ERI3: variants seen among roughly 807,000 people sequenced by gnomAD.
ERI3 encodes the protein ERI1 exoribonuclease 3.
A neutral mutation model predicts 44.4 loss-of-function variants in ERI3; 18 were observed. The ratio of observed to expected loss-of-function variants is 0.41; its 90% CI spans 0.28 to 0.60. The LOEUF (loss-of-function observed/expected upper bound fraction) is 0.60, where lower values mean the gene tolerates loss of function less well. Ranked by LOEUF, ERI3 falls within the 20% of genes least tolerant of loss-of-function variation. ERI3 has a pLI of 0.36. For missense variants in ERI3, 294 were observed against 435.5 expected, an observed-to-expected ratio of 0.68 and a Z score of 2.89; for synonymous variants, 183 against 164.8, an observed-to-expected ratio of 1.11 and a Z score of -0.84.
At chr1:44,350,743 G>A (rs573307257) in intron 2 of ERI3, among the ~76,000 whole-genome samples, 17 of 152,228 alleles carry the variant, frequency 1.1e-4, no homozygotes, top group Non-Finnish European at 1.9e-4. Flanking sequence ...TAAGAAAAGC[G>A]TATTTATAGA....
intron 6 of ERI3, among the ~76,000 whole-genome samples, chr1:44,295,737 G>C (rs1038436417): frequency 3.3e-5 from 5 of 152,184 alleles, no homozygotes; most frequent in African/African-American, 1.2e-4. Context: ...ACTTTCAGGG[G>C]ACCAAACAGA....
At chr1:44,284,424 C>T (rs971123366) in intron 7 of ERI3, among the ~76,000 whole-genome samples, 2 of 152,164 alleles carry the variant, frequency 1.3e-5, no homozygotes, top group Non-Finnish European at 1.5e-5. Context: ...TATATCAGGG[C>T]CAGTTAGGAG....
At chr1:44,232,738 A>C (rs1456936417) in intron 8 of ERI3, among the ~76,000 whole-genome samples, 1 of 152,236 alleles carries the variant, frequency 6.6e-6, no homozygotes, top group East Asian at 1.9e-4. Flanking sequence ...CAAGTCCCAG[A>C]CAACACATTT....
intron 8 of ERI3, chr1:44,230,598 G>T (rs936372689): frequency 6.6e-6 from 1 of 152,312 alleles, no homozygotes; most frequent in African/African-American, 2.4e-5. Context: ...TGCCTGTGCT[G>T]CCCCGGGCAG....
Position 44,221,261 on chromosome 1 carries a change from G to C in ERI3, c.*297C>G. On this transcript the variant is annotated 3_prime_UTR_variant, in exon 9 of 9. Transcript: ENST00000372257. This position sits in a 1 kb window ranked among gnomAD's most constrained non-coding sequence, Gnocchi z 5.9. ...GCCCCACAGAAGCCTGTGTACCAGG[G>C]AGGAGGCGGTGAGTGCCTGGGTCCC... The C allele has an allele frequency of 2.3e-6, 1 of 433,898 alleles. No homozygotes were observed. The highest frequency in any genetic ancestry group is 4.4e-5 in the East Asian group (1 of 22,670). The allele number at this position is 433,898 out of a possible 1,614,324, so 26.9% of individuals were successfully genotyped here.
At chr1:44,337,556 T>C (rs1348606766) in intron 3 of ERI3, among the ~76,000 whole-genome samples, 1 of 152,166 alleles carries the variant, frequency 6.6e-6, no homozygotes, top group East Asian at 1.9e-4. Flanking sequence ...CAAGCTGCAT[T>C]CCCTTACACC....
At chr1:44,264,356 C>T (rs144957489) in intron 7 of ERI3, among the ~76,000 whole-genome samples, 1 of 152,298 alleles carries the variant, frequency 6.6e-6, no homozygotes, top group Non-Finnish European at 1.5e-5. Flanking sequence ...GTTCTGCCCC[C>T]CTCTTGGCGT....
Position 44,334,375 on chromosome 1 carries a change from A to T in ERI3, c.489+4670T>A, listed in dbSNP as rs560459238. On this transcript the variant is annotated intron_variant, in intron 3 of 8. Coordinates refer to ENST00000372257, the MANE Select transcript of ERI3 (RefSeq NM_024066.3). ...GCTCTCTGGGCCTCAGGGTCACAAC[A>T]ACCATCACTCGGTGCACATCCACAC... Among the ~76,000 whole-genome samples, 19 of 152,280 alleles carry T rather than the reference A, an allele frequency of 1.2e-4. No homozygotes were observed. The South Asian group carries it at 3.7e-3, about 30-fold the overall frequency.
At chr1:44,299,609 G>C (rs1437526568) in intron 6 of ERI3, among the ~76,000 whole-genome samples, 1 of 152,086 alleles carries the variant, frequency 6.6e-6, no homozygotes, top group Non-Finnish European at 1.5e-5. Context: ...TTCCTTCTTG[G>C]AGCTTGGGAA....
chr1:44,256,756 A>T (rs542973944), intron 7 of ERI3: 64 of 152,370 alleles, frequency 4.2e-4, no homozygotes, highest in African/African-American at 1.5e-3. Context: ...CTACCAGCTC[A>T]GTTTGATCCC....
intron 2 of ERI3, among the ~76,000 whole-genome samples, chr1:44,344,983 T>C (rs1646755882): frequency 6.6e-6 from 1 of 152,156 alleles, no homozygotes; most frequent in Non-Finnish European, 1.5e-5. Context: ...GTGCAGAGTA[T>C]TTACACAACA....
At chr1:44,340,982 C>A (rs1646641174) in intron 2 of ERI3, among the ~76,000 whole-genome samples, 1 of 152,146 alleles carries the variant, frequency 6.6e-6, no homozygotes, top group African/African-American at 2.4e-5. Flanking sequence ...CTCAAATTAC[C>A]CATTCTAGTT....
At chr1:44,325,169 C>T (rs1641703694) in intron 3 of ERI3, among the ~76,000 whole-genome samples, 1 of 151,722 alleles carries the variant, frequency 6.6e-6, no homozygotes. Flanking sequence ...CCTCCGCCTC[C>T]CGGGTTCAAG....
intron 8 of ERI3, among the ~76,000 whole-genome samples, chr1:44,226,778 A>ACACACACAC (rs1644050828): frequency 7.0e-6 from 1 of 143,374 alleles, no homozygotes; most frequent in Non-Finnish European, 1.5e-5. Flanking sequence ...AGCATTATTA[A>ACACACACAC]ACACACACAC....
chr1:44,341,799 A>G (rs971593472), intron 2 of ERI3, among the ~76,000 whole-genome samples: 21 of 152,146 alleles, frequency 1.4e-4, no homozygotes, highest in African/African-American at 4.8e-4. Flanking sequence ...CTGAAGTAGG[A>G]AGATCACTTG....
intron 8 of ERI3, among the ~76,000 whole-genome samples, chr1:44,231,354 C>T (rs1644179247): frequency 6.6e-6 from 1 of 152,094 alleles, no homozygotes; most frequent in Non-Finnish European, 1.5e-5. Flanking sequence ...ATTGTCTCTC[C>T]TGTATTCACA....
rs1050256982 is a variant in ERI3, at chr1:44,353,539, G to A, written c.136-614C>T. 2.4e-5 allele frequency: 24 copies of A among 985,272 alleles called. No homozygotes were observed. The African/African-American group carries it at 3.8e-4, about 16-fold the overall frequency. The allele number at this position is 985,272 out of a possible 1,614,324, so 61.0% of individuals were successfully genotyped here. ...TTTGCATAAAGAAACACCTAGGGTT[G>A]GAACTAATATATTCCTGTCTACCAT... is the stretch of plus-strand genomic sequence containing the variant. On this transcript the variant is annotated intron_variant, in intron 1 of 8. Transcript: ENST00000372257.
At chr1:44,256,229 C>G (rs189818872) in intron 7 of ERI3, among the ~76,000 whole-genome samples, 2 of 152,152 alleles carry the variant, frequency 1.3e-5, no homozygotes, top group Admixed American at 6.5e-5. Context: ...CCTACCCAGT[C>G]TCCTTCAGGA....
chr1:44,337,088 G>C (rs1646549803), intron 3 of ERI3, among the ~76,000 whole-genome samples: 2 of 152,218 alleles, frequency 1.3e-5, no homozygotes, highest in South Asian at 4.1e-4. Context: ...ACTGAGACAT[G>C]ATTCAGGCTT....
Sources: gnomAD v4.1 joint callset for allele counts (sites outside exome capture counted in the v4.1 genomes callset) on GRCh38, gnomAD v4.1.1 for gene constraint, Gnocchi (gnomAD v3.1) non-coding constraint, MANE v1.5 for transcripts, NCBI Gene and HGNC (gene_info 2026-07-23, HGNC 2026-07-21) for gene names.